Variants in ENOX1 observed in about 807,000 individuals in gnomAD.
ENOX1 encodes the protein ecto-NOX disulfide-thiol exchanger 1, also known as candidate growth-related and time keeping constitutive hydroquinone (NADH) oxidase.
In ENOX1, 42 loss-of-function variants were observed where a neutral mutation model predicts 82.5. That is an observed-to-expected ratio of 0.51 (90% confidence interval 0.40 to 0.66). The LOEUF (loss-of-function observed/expected upper bound fraction) is 0.66, where lower values mean the gene tolerates loss of function less well. Among genes scored for constraint, ENOX1 ranks in the 30% least tolerant of loss-of-function variants. ENOX1 has a pLI of 0.00. For missense variants in ENOX1, 608 were observed against 811.6 expected (o/e 0.75, Z 3.05); for synonymous variants, 271 against 282.2 (o/e 0.96, Z 0.40).
At chr13:43,406,710 G>T (rs1382743519) in intron 5 of ENOX1, among the ~76,000 whole-genome samples, 1 of 152,008 alleles carries the variant, frequency 6.6e-6, no homozygotes, top group Admixed American at 6.5e-5. Flanking sequence ...AGCCAGGATA[G>T]TCTCAATCTC....
At position 43,213,544 on chromosome 13, in the gene ENOX1, C is replaced by CTTT. The variant is rs3043205; in HGVS notation, c.*443_*445dup. 1.1e-3 allele frequency: 95 copies of CTTT among 83,932 alleles called. No individual in the cohort carries two copies. The highest frequency in any genetic ancestry group is 1.7e-3 in the East Asian group (4 of 2,374). The allele number at this position is 83,932 out of a possible 1,614,324, so 5.2% of individuals were successfully genotyped here. A position where few individuals can be genotyped will look rare whatever the true frequency, so the allele number is the denominator to read the frequency against. On this transcript the variant is annotated 3_prime_UTR_variant, in exon 17 of 17. Transcript: ENST00000690772. ...TTTTTCTTTTTTTCTTTTTCTTTTT[C>CTTT]TTTTTTTTTTTTTTTTTTTTTTTAC...
At chr13:43,583,823 CTTT>C (rs74782852) in intron 2 of ENOX1, among the ~76,000 whole-genome samples, 8 of 144,146 alleles carry the variant, frequency 5.5e-5, no homozygotes, top group Admixed American at 6.9e-5. Flanking sequence ...ATAAACTTTT[CTTT>C]TTTTTTTTTT....
intron 5 of ENOX1, among the ~76,000 whole-genome samples, chr13:43,390,857 C>A (rs2052728360): frequency 6.6e-6 from 1 of 152,060 alleles, no homozygotes; most frequent in Non-Finnish European, 1.5e-5. Flanking sequence ...CCTCCCTTCC[C>A]TTTTTCGGTT....
At position 43,648,807 on chromosome 13, in the gene ENOX1, T is replaced by A. The variant is rs528252530; in HGVS notation, c.-219+18672A>T. Among the ~76,000 whole-genome samples, 8 of 152,362 alleles carry A rather than the reference T, an allele frequency of 5.3e-5. No individual in the cohort carries two copies. In the East Asian group the frequency reaches 1.5e-3, roughly 29 times the overall value. ...GCAGCATTATCCCAGAGTCCCTGCA[T>A]ATCATTTTCAGTGAGAGTACTCAGC... On this transcript the variant is annotated intron_variant, in intron 2 of 16. Transcript: ENST00000690772.
intron 7 of ENOX1, among the ~76,000 whole-genome samples, chr13:43,358,718 T>A (rs1370373304): frequency 2.0e-5 from 3 of 152,220 alleles, no homozygotes; most frequent in Non-Finnish European, 4.4e-5. Flanking sequence ...TTACTATCTT[T>A]ATTTTATAGA....
At chr13:43,248,709 T>G (rs2043278865) in intron 14 of ENOX1, among the ~76,000 whole-genome samples, 1 of 152,102 alleles carries the variant, frequency 6.6e-6, no homozygotes, top group Admixed American at 6.5e-5. Flanking sequence ...AATAAAAATA[T>G]GTATTCACTG....
intron 2 of ENOX1, among the ~76,000 whole-genome samples, chr13:43,578,647 A>G (rs1207613607): frequency 6.6e-6 from 1 of 152,108 alleles, no homozygotes; most frequent in Non-Finnish European, 1.5e-5. Flanking sequence ...TTTTTTGTTC[A>G]CAATGCATCC....
intron 2 of ENOX1, among the ~76,000 whole-genome samples, chr13:43,576,826 G>A (rs1593905634): frequency 6.6e-6 from 1 of 152,310 alleles, no homozygotes; most frequent in South Asian, 2.1e-4. Flanking sequence ...CATGAGGGCA[G>A]GAAAATGTCT....
chr13:43,637,393 A>G (rs2083453623), intron 2 of ENOX1, among the ~76,000 whole-genome samples: 1 of 152,322 alleles, frequency 6.6e-6, no homozygotes, highest in Non-Finnish European at 1.5e-5. Context: ...CCGGGAAGCC[A>G]TGACTTAAGG....
chr13:43,398,328 A>T (rs1263369805), intron 5 of ENOX1, among the ~76,000 whole-genome samples: 3 of 152,156 alleles, frequency 2.0e-5, no homozygotes, highest in African/African-American at 4.8e-5. Flanking sequence ...AGCATCAGAC[A>T]AGCTTCCCTA....
chr13:43,298,539 C>T lies in ENOX1; in HGVS notation c.1262-9G>A, dbSNP rs768100380. ...GGCCTGGGCAGCCAGGGCTGAGGGA[C>T]AAACAGAACGAGTTCAGGTGAGCTA... On this transcript the variant is annotated splice_polypyrimidine_tract_variant and intron_variant, in intron 11 of 16. Coordinates refer to ENST00000690772, the MANE Select transcript of ENOX1 (RefSeq NM_001347969.2). 4 of 1,604,668 alleles carry T rather than the reference C, an allele frequency of 2.5e-6. No homozygotes were observed. In the South Asian group the frequency reaches 4.5e-5, roughly 18 times the overall value.
chr13:43,719,709 G>C (rs299331), intron 1 of ENOX1, among the ~76,000 whole-genome samples: 117,527 of 151,902 alleles, frequency 0.77, 48,344 homozygotes, highest in South Asian at 0.93. Flanking sequence ...TGGAGCACCA[G>C]AACCCTAAAA....
chr13:43,271,970 C>T (rs770315938), intron 12 of ENOX1, among the ~76,000 whole-genome samples: 2 of 151,982 alleles, frequency 1.3e-5, no homozygotes, highest in African/African-American at 4.8e-5. Context: ...TAAGATCCAT[C>T]CATGTTACTA....
chr13:43,522,386 AAAAT>A (rs2077808868), intron 2 of ENOX1, among the ~76,000 whole-genome samples: 1 of 152,142 alleles, frequency 6.6e-6, no homozygotes, highest in African/African-American at 2.4e-5. Context: ...ATAATAAAGA[AAAAT>A]AACCCCTAAT....
chr13:43,519,504 A>G (rs1453849177), intron 2 of ENOX1, among the ~76,000 whole-genome samples: 1 of 152,152 alleles, frequency 6.6e-6, no homozygotes, highest in East Asian at 1.9e-4. Context: ...AGTCTCAATA[A>G]CCAAAATGAC....
intron 5 of ENOX1, among the ~76,000 whole-genome samples, chr13:43,367,230 G>T (rs887027705): frequency 6.6e-6 from 1 of 152,198 alleles, no homozygotes; most frequent in Admixed American, 6.5e-5. Flanking sequence ...CTGAAAAGGG[G>T]ACATCTAAAC....
intron 2 of ENOX1, among the ~76,000 whole-genome samples, chr13:43,605,152 A>C (rs1246494040): frequency 3.3e-5 from 5 of 152,174 alleles, no homozygotes; most frequent in Admixed American, 3.3e-4. Flanking sequence ...TGATGGAAGA[A>C]ATTGAAGAGA....
rs2077783854 is a variant in ENOX1, at chr13:43,521,855, C to CA, written c.-218-37704dup. On this transcript the variant is annotated intron_variant, in intron 2 of 16. Transcript: ENST00000690772. ...CTCAGTACATGCTTTTTTGAGTATA[C>CA]AAAAAATAAATGCTACAAGGCAGGA... 3.9e-5 allele frequency among the ~76,000 whole-genome samples: 6 copies of CA among 151,968 alleles called. No individual in the cohort carries two copies. In the South Asian group the frequency reaches 1.0e-3, roughly 26 times the overall value.
At chr13:43,751,037 G>A (rs1040636470) in intron 1 of ENOX1, among the ~76,000 whole-genome samples, 3 of 152,116 alleles carry the variant, frequency 2.0e-5, no homozygotes, top group African/African-American at 7.2e-5. Context: ...CCTCTGGTTT[G>A]GACCTTACCT....
Sources: allele counts gnomAD v4.1 joint callset (sites outside exome capture counted in the v4.1 genomes callset), GRCh38; gene constraint gnomAD v4.1.1; transcripts MANE v1.5; gene names NCBI Gene and HGNC (gene_info 2026-07-23, HGNC 2026-07-21).